Variants in SYNE1 observed in about 807,000 individuals in gnomAD.
The protein encoded by SYNE1 is spectrin repeat containing nuclear envelope protein 1.
SYNE1 carries 616 observed loss-of-function variants against 1,111.0 expected under a neutral mutation model. The ratio of observed to expected loss-of-function variants is 0.55; its 90% confidence interval spans 0.52 to 0.59. SYNE1 has a LOEUF of 0.59. Ranked by LOEUF, SYNE1 falls within the 20% of genes least tolerant of loss-of-function variation. The pLI, the probability that SYNE1 is intolerant of heterozygous loss-of-function variation, is 0.00. For synonymous variants in SYNE1, 3,855 were observed against 3,825.8 expected (o/e 1.01, Z -0.28); for missense variants, 10,006 against 10,417.0 (o/e 0.96, Z 1.72).
intron 58 of SYNE1, 33 bp from the exon 59 acceptor site, chr6:152,373,252 A>G: frequency 6.4e-7 from 1 of 1,571,696 alleles, no homozygotes; most frequent in Non-Finnish European, 8.6e-7. Flanking sequence ...AGCCATAATG[A>G]AAATATTGTG....
chr6:152,537,636 A>C (rs536183697), intron 4 of SYNE1, among the ~76,000 whole-genome samples: 2 of 152,146 alleles, frequency 1.3e-5, no homozygotes, highest in Non-Finnish European at 2.9e-5. Flanking sequence ...ATTAATTTGC[A>C]ACTGAGCAAA....
intron 59 of SYNE1, among the ~76,000 whole-genome samples, chr6:152,370,296 C>G (rs564117740): frequency 6.6e-6 from 1 of 152,128 alleles, no homozygotes; most frequent in East Asian, 1.9e-4. Flanking sequence ...AGACTGCAAG[C>G]TCCATGAGGG....
chr6:152,196,043 C>T (rs1326839533), intron 127 of SYNE1, among the ~76,000 whole-genome samples: 2 of 152,190 alleles, frequency 1.3e-5, no homozygotes, highest in Admixed American at 6.5e-5. Flanking sequence ...GGAGTCGCTC[C>T]CCAGGTCCAC....
At chr6:152,178,268 C>G (rs1004522796) in intron 129 of SYNE1, among the ~76,000 whole-genome samples, 4 of 151,936 alleles carry the variant, frequency 2.6e-5, no homozygotes, top group African/African-American at 9.7e-5. Context: ...AGAATAGAGA[C>G]AAACTTAATC....
At chr6:152,431,278 C>T (rs575054327) in intron 34 of SYNE1, among the ~76,000 whole-genome samples, 1 of 152,240 alleles carries the variant, frequency 6.6e-6, no homozygotes, top group South Asian at 2.1e-4. Flanking sequence ...CCCTATTCTC[C>T]GGGATTCAGA....
chr6:152,301,965 C>T lies in SYNE1; in HGVS notation c.17445G>A (p.Leu5815=). The T allele has an allele frequency of 6.2e-7, 1 of 1,614,262 alleles. No homozygotes were observed. Among genetic ancestry groups the T allele is most frequent in the Non-Finnish European group, 8.5e-7 (1 of 1,180,048 alleles). ...GCCCCTCGACCTCGGTCACCGTCAG[C>T]AGCATGGTGGCGTGCTTGGCTTTCA... The part of the protein sequence containing the change: ...LTMKAKHATM[L]LTVTEVEGLA... The change falls in exon 92 of 146, where the codon CTG becomes CTA. Residue 5815 remains leucine, a synonymous_variant. Coordinates refer to ENST00000367255, the MANE Select transcript of SYNE1 (RefSeq NM_182961.4).
intron 131 of SYNE1, among the ~76,000 whole-genome samples, chr6:152,156,598 A>G (rs927302603): frequency 6.6e-6 from 1 of 152,202 alleles, no homozygotes; most frequent in Non-Finnish European, 1.5e-5. Context: ...ATTACTTATA[A>G]TACCTAATAC....
At chr6:152,477,445 G>A (rs1020726993) in intron 14 of SYNE1, among the ~76,000 whole-genome samples, 2 of 152,126 alleles carry the variant, frequency 1.3e-5, no homozygotes, top group African/African-American at 4.8e-5. Flanking sequence ...GGATGTTTCA[G>A]ACTGAGGGAT....
chr6:152,276,990 A>G (rs1408162824), intron 98 of SYNE1, among the ~76,000 whole-genome samples: 2 of 147,082 alleles, frequency 1.4e-5, no homozygotes, highest in Middle Eastern at 3.6e-3. Context: ...GTTCAGGTTC[A>G]GGAGATTCTC....
At chr6:152,606,527 G>A (rs2099615136) in intron 3 of SYNE1, among the ~76,000 whole-genome samples, 1 of 152,180 alleles carries the variant, frequency 6.6e-6, no homozygotes, top group African/African-American at 2.4e-5. Context: ...TAGGAATAAA[G>A]TGTCTACTAA....
At chr6:152,519,031 A>C (rs1169438385) in intron 6 of SYNE1, among the ~76,000 whole-genome samples, 1 of 152,018 alleles carries the variant, frequency 6.6e-6, no homozygotes, top group East Asian at 1.9e-4. Flanking sequence ...AGATATACCT[A>C]ATGCTAAATG....
At chr6:152,393,256 G>A (rs2097675436) in intron 51 of SYNE1, among the ~76,000 whole-genome samples, 1 of 152,118 alleles carries the variant, frequency 6.6e-6, no homozygotes, top group South Asian at 2.1e-4. Context: ...CAGTTTTGGT[G>A]TAATGATGGC....
intron 3 of SYNE1, among the ~76,000 whole-genome samples, chr6:152,592,879 C>T (rs1489913360): frequency 1.3e-5 from 2 of 152,102 alleles, no homozygotes; most frequent in African/African-American, 4.8e-5. Flanking sequence ...TCTTCATGGG[C>T]CCAGTGTGAG....
At chr6:152,620,301 C>T (rs899682497) in intron 3 of SYNE1, among the ~76,000 whole-genome samples, 14 of 151,904 alleles carry the variant, frequency 9.2e-5, no homozygotes, top group Admixed American at 6.6e-4. Flanking sequence ...GCCCATTTCA[C>T]AAACCTCTTT....
At chr6:152,587,449 G>A (rs1041199662) in intron 3 of SYNE1, among the ~76,000 whole-genome samples, 1 of 152,028 alleles carries the variant, frequency 6.6e-6, no homozygotes, top group African/African-American at 2.4e-5. Flanking sequence ...TCACTGAAAA[G>A]AAAGAACATT....
chr6:152,431,967 G>A (rs550617086), intron 34 of SYNE1, among the ~76,000 whole-genome samples: 1 of 152,088 alleles, frequency 6.6e-6, no homozygotes, highest in African/African-American at 2.4e-5. Context: ...AATTGTTCTA[G>A]TTGCTTGTAA....
In SYNE1 at chr6:152,428,214, T is replaced by C. The variant is rs777042274; in HGVS notation, c.4967A>G (p.His1656Arg). 3.1e-6 allele frequency: 5 copies of C among 1,613,446 alleles called. No individual in the cohort carries two copies. In the African/African-American group the frequency reaches 6.7e-5, roughly 22 times the overall value. Residue 1656 changes from histidine (H) to arginine (R), a missense_variant, in exon 37 of 146, where the codon CAC (histidine) becomes CGC (arginine). Physicochemically the swap from His to Arg is conservative, Grantham distance 29. This residue lies in a region of SYNE1 where 1,971 missense variants were observed against 2,084.1 expected (regional missense o/e 0.95). Transcript: ENST00000367255. ...RQTALENLLA[H>R]WQRLEKELSS... ...GAAAAGTGCTGCTCACCTCTGCCAG[T>C]GGGCCAGCAGATTCTCCAGCGCCGT...
At chr6:152,368,879 GT>G (rs2097130103) in intron 61 of SYNE1, 92 bp downstream of exon 61, 3 of 1,549,688 alleles carry the variant, frequency 1.9e-6, no homozygotes, top group Admixed American at 3.3e-5. Context: ...CTGTGGGCGG[GT>G]CAGGATGCAA....
chr6:152,224,639 T>C lies in SYNE1; in HGVS notation c.21377A>G (p.Lys7126Arg), dbSNP rs145882956. The C allele has an allele frequency of 2.7e-4, 430 of 1,613,784 alleles. No homozygotes were observed. The highest frequency in any genetic ancestry group is 3.5e-4 in the Non-Finnish European group (409 of 1,179,958). Reference protein sequence around the residue: ...HMVGQLKILLKSVLDQWSSHK... With the variant: ...HMVGQLKILLRSVLDQWSSHK... Reference sequence around the variant, plus strand: ...ACTACTCCATTGGTCAAGCACTGATTTCAGCAGTATCTTTAATTGTCCAAC... The same window carrying C: ...ACTACTCCATTGGTCAAGCACTGATCTCAGCAGTATCTTTAATTGTCCAAC... Residue 7126 changes from lysine to arginine, a missense_variant, in exon 117 of 146, where the codon AAA becomes AGA. Lys to Arg is a conservative substitution (Grantham distance 26). Around this residue, in one of 7 missense-constraint regions of SYNE1, gnomAD observed 2,182 missense variants for 2,287.8 expected, o/e 0.95. Transcript: ENST00000367255.
Sources: gnomAD v4.1 joint callset for allele counts (sites outside exome capture counted in the v4.1 genomes callset) on GRCh38, gnomAD v4.1.1 for gene constraint, gnomAD v4.1.1 regional missense constraint, MANE v1.5 for transcripts, NCBI Gene and HGNC (gene_info 2026-07-23, HGNC 2026-07-21) for gene names.